VSTM2L: variants seen among roughly 807,000 people sequenced by gnomAD.
VSTM2L encodes V-set and transmembrane domain containing 2 like, also known as V-set and transmembrane domain-containing protein 2-like protein.
A neutral mutation model predicts 19.9 loss-of-function variants in VSTM2L; 9 were observed. The observed-to-expected ratio is 0.45, with a 90% CI of 0.27 to 0.79. The LOEUF is 0.79. VSTM2L is among the 30% of genes least tolerant of loss of function. The pLI is 0.15. For missense variants in VSTM2L, 286 were observed against 295.5 expected (o/e 0.97, Z 0.24); for synonymous variants, 127 against 133.8 (o/e 0.95, Z 0.35).
At chr20:37,929,517 T>C (rs753807793) in intron 1 of VSTM2L, among the ~76,000 whole-genome samples, 27 of 152,204 alleles carry the variant, frequency 1.8e-4, no homozygotes, top group Non-Finnish European at 3.4e-4. Context: ...GTGAGGACTG[T>C]GGCTGTTACT....
chr20:37,943,908 ACC>A (rs11365082), intron 3 of VSTM2L, 71 bp from the exon 4 acceptor site: 6,042 of 177,048 alleles, frequency 0.034, 64 homozygotes, highest in Non-Finnish European at 0.044. Flanking sequence ...CGATCTTGGG[ACC>A]CCCCCCCCCG....
At chr20:37,913,071 A>G (rs1414715418) in intron 1 of VSTM2L, among the ~76,000 whole-genome samples, 3 of 152,116 alleles carry the variant, frequency 2.0e-5, no homozygotes, top group African/African-American at 7.2e-5. Context: ...TATTCCGTAT[A>G]TCATGGTGAC....
chr20:37,904,272 C>A (rs958651661), intron 1 of VSTM2L, among the ~76,000 whole-genome samples: 1 of 152,218 alleles, frequency 6.6e-6, no homozygotes, highest in Non-Finnish European at 1.5e-5. Context: ...ATGCCGGGTG[C>A]TTTTGTCTGC....
intron 1 of VSTM2L, among the ~76,000 whole-genome samples, chr20:37,927,457 G>A (rs914668576): frequency 6.6e-6 from 1 of 152,178 alleles, no homozygotes; most frequent in Non-Finnish European, 1.5e-5. Context: ...CGAGGCCCTA[G>A]ATGGCCACTT....
chr20:37,936,197 G>A (rs1424695070), intron 3 of VSTM2L, among the ~76,000 whole-genome samples: 3 of 151,964 alleles, frequency 2.0e-5, no homozygotes, highest in African/African-American at 7.3e-5. Context: ...CGCCTGGTTG[G>A]TGTGGATCCC....
chr20:37,910,327 A>C (rs779973810), intron 1 of VSTM2L, among the ~76,000 whole-genome samples: 1 of 152,246 alleles, frequency 6.6e-6, no homozygotes, highest in Non-Finnish European at 1.5e-5. Flanking sequence ...GGGGATCCAC[A>C]GTGTGGACAT....
chr20:37,903,838 G>T (rs991287638), intron 1 of VSTM2L, among the ~76,000 whole-genome samples: 1 of 152,116 alleles, frequency 6.6e-6, no homozygotes, highest in Non-Finnish European at 1.5e-5. Flanking sequence ...TTACACTTAT[G>T]CCCACTACAC....
rs952865821 is a variant in VSTM2L at position 37,903,358 on chromosome 20, C to T, written c.8C>T (p.Ala3Val). 4 of 1,468,602 alleles carry T rather than the reference C, an allele frequency of 2.7e-6. No individual in the cohort carries two copies. Among genetic ancestry groups the T allele is most frequent in the Admixed American group, 2.5e-5 (1 of 40,626 alleles). 91.0% of individuals were successfully genotyped at this position (1,468,602 alleles called of 1,614,324 possible). A position where few individuals can be genotyped will look rare whatever the true frequency, so the allele number is the denominator to read the frequency against. ...CCGGCCCGAGAGCGCACGATGGGGG[C>T]CCCGCTCGCCGTAGCGCTGGGCGCC... MG[A>V]PLAVALGALH... The change falls in exon 1 of 4, where the codon GCC becomes GTC. Residue 3 changes from alanine (A) to valine (V), a missense_variant. Transcript: ENST00000373461.
chr20:37,911,905 T>C (rs1268864419), intron 1 of VSTM2L, among the ~76,000 whole-genome samples: 1 of 152,112 alleles, frequency 6.6e-6, no homozygotes, highest in Admixed American at 6.5e-5. Context: ...TGTGTGTGTG[T>C]GTGCATGTGT....
intron 1 of VSTM2L, among the ~76,000 whole-genome samples, chr20:37,911,313 AG>A (rs2072778454): frequency 6.7e-6 from 1 of 149,992 alleles, no homozygotes; most frequent in South Asian, 2.1e-4. Flanking sequence ...CCTGTGGGGC[AG>A]GGAGGGTACC....
At chr20:37,923,576 C>A (rs1369572256) in intron 1 of VSTM2L, among the ~76,000 whole-genome samples, 1 of 152,180 alleles carries the variant, frequency 6.6e-6, no homozygotes, top group Non-Finnish European at 1.5e-5. Flanking sequence ...GCATCCTTCT[C>A]AAAAATCTGT....
chr20:37,918,665 T>C (rs2072833606), intron 1 of VSTM2L, among the ~76,000 whole-genome samples: 1 of 152,218 alleles, frequency 6.6e-6, no homozygotes, highest in South Asian at 2.1e-4. Context: ...GTGCATGTGG[T>C]ACAGGGACCC....
In VSTM2L at chr20:37,944,102, A is replaced by G; in HGVS notation, c.464A>G (p.His155Arg). ...TTCAGCGACGGCAAGGCCCGGCACC[A>G]CAAGGTCAAGGCCTACCTGCGGGTG... ...IDFSDGKARH[H>R]KVKAYLRVQP... The change falls in exon 4 of 4, where the codon CAC (histidine) becomes CGC (arginine). Residue 155 changes from histidine (H) to arginine (R), a missense_variant. Physicochemically the swap from His to Arg is conservative, Grantham distance 29. Transcript: ENST00000373461. The G allele has an allele frequency of 6.2e-7, 1 of 1,612,934 alleles. No homozygotes were observed. Among genetic ancestry groups the G allele is most frequent in the Non-Finnish European group, 8.5e-7 (1 of 1,179,392 alleles).
rs140057249 is a variant in VSTM2L, at chr20:37,926,518, C to T, written c.122-5117C>T. On this transcript the variant is annotated intron_variant, in intron 1 of 3. Transcript: ENST00000373461. ...AGATCATGCCAGCACTCTAGCCTGGCGAAAGAGCAAGACTCCATCTAAAAA... is the reference window on the plus strand; with the variant it reads ...AGATCATGCCAGCACTCTAGCCTGGTGAAAGAGCAAGACTCCATCTAAAAA... Among the ~76,000 whole-genome samples, 223 of 152,084 alleles carry T rather than the reference C, an allele frequency of 1.5e-3. No individual in the cohort carries two copies. The East Asian group carries it at 0.038, about 26-fold the overall frequency.
At chr20:37,935,850 G>A (rs11905606) in intron 3 of VSTM2L, among the ~76,000 whole-genome samples, 1 of 151,266 alleles carries the variant, frequency 6.6e-6, no homozygotes, top group Admixed American at 6.6e-5. Context: ...ACAGACATAC[G>A]CCCAGGCCAA....
Position 37,903,414 on chromosome 20 carries a change from G to A in VSTM2L, c.64G>A (p.Gly22Ser), listed in dbSNP as rs2072732655. The A allele has an allele frequency of 5.4e-6, 8 of 1,488,902 alleles. No individual in the cohort carries two copies. The highest frequency in any genetic ancestry group is 7.1e-6 in the Non-Finnish European group (8 of 1,125,864). 92.2% of individuals were successfully genotyped at this position (1,488,902 alleles called of 1,614,324 possible). A position where few individuals can be genotyped will look rare whatever the true frequency, so the allele number is the denominator to read the frequency against. ...CTACCTGGCACTTTTCCTGCAACTC[G>A]GCGGCGCCACGCGGCCCGCCGGCCA... Reference protein sequence around the residue: ...LHYLALFLQLGGATRPAGHAP... With the variant: ...LHYLALFLQLSGATRPAGHAP... Residue 22 changes from glycine to serine, a missense_variant, in exon 1 of 4, where the codon GGC becomes AGC. Gly to Ser is a moderately conservative substitution (Grantham distance 56). Transcript: ENST00000373461.
At chr20:37,915,442 G>C (rs1025229882) in intron 1 of VSTM2L, among the ~76,000 whole-genome samples, 4 of 151,978 alleles carry the variant, frequency 2.6e-5, no homozygotes, top group Admixed American at 6.5e-5. Flanking sequence ...CAAGGGGCCC[G>C]GAGCCTTGAA....
intron 1 of VSTM2L, among the ~76,000 whole-genome samples, chr20:37,910,873 C>T (rs1335428470): frequency 4.7e-5 from 7 of 150,380 alleles, no homozygotes; most frequent in Non-Finnish European, 1.0e-4. Flanking sequence ...GCTGTGATTG[C>T]ACCACTGCAC....
At chr20:37,910,849 C>T (rs1013623918) in intron 1 of VSTM2L, among the ~76,000 whole-genome samples, 7 of 150,018 alleles carry the variant, frequency 4.7e-5, no homozygotes, top group African/African-American at 1.7e-4. Flanking sequence ...CCCAAGAGTT[C>T]AAGGCTGCAG....
Sources: allele counts gnomAD v4.1 joint callset (sites outside exome capture counted in the v4.1 genomes callset), GRCh38; gene constraint gnomAD v4.1.1; transcripts MANE v1.5; gene names NCBI Gene and HGNC (gene_info 2026-07-23, HGNC 2026-07-21).